The following GREB1L variants were observed in gnomAD, a reference collection of about 807,000 sequenced individuals.
The protein encoded by GREB1L is GREB1-like protein.
A neutral mutation model predicts 200.8 loss-of-function variants in GREB1L; 17 were observed. The observed-to-expected ratio is 0.08, with a 90% CI of 0.06 to 0.13. The LOEUF (loss-of-function observed/expected upper bound fraction) is 0.13, where lower values mean the gene tolerates loss of function less well. Ranked by LOEUF, GREB1L falls within the 10% of genes least tolerant of loss-of-function variation. GREB1L has a pLI of 1.00. For missense variants in GREB1L, 1,657 were observed against 2,367.7 expected, an observed-to-expected ratio of 0.70 and a Z score of 6.23; for synonymous variants, 789 against 893.0, an observed-to-expected ratio of 0.88 and a Z score of 2.08.
chr18:21,263,007 G>A (rs1469768360), intron 1 of GREB1L, among the ~76,000 whole-genome samples: 2 of 152,122 alleles, frequency 1.3e-5, no homozygotes, highest in Admixed American at 1.3e-4. Context: ...GTTGAGGTGG[G>A]GAGTATATGT....
chr18:21,471,976 T>G (rs1449306351), intron 15 of GREB1L, among the ~76,000 whole-genome samples: 2 of 152,218 alleles, frequency 1.3e-5, no homozygotes, highest in Non-Finnish European at 2.9e-5. Flanking sequence ...TTTGATTGAT[T>G]GCTTTTGGAA....
At chr18:21,412,514 G>T (rs557888141) in intron 7 of GREB1L, among the ~76,000 whole-genome samples, 1 of 152,260 alleles carries the variant, frequency 6.6e-6, no homozygotes, top group Admixed American at 6.5e-5. Flanking sequence ...TTGCAAAGAT[G>T]ATACTGAACA....
chr18:21,332,056 G>A (rs1202268781), intron 1 of GREB1L, among the ~76,000 whole-genome samples: 1 of 152,130 alleles, frequency 6.6e-6, no homozygotes. Context: ...CCAGATAACT[G>A]AAACTTCAAA....
At chr18:21,346,105 G>A (rs1429902117) in intron 1 of GREB1L, among the ~76,000 whole-genome samples, 2 of 152,048 alleles carry the variant, frequency 1.3e-5, no homozygotes, top group Non-Finnish European at 2.9e-5. Flanking sequence ...ACTGACAATA[G>A]GGGTGGAGAA....
intron 1 of GREB1L, among the ~76,000 whole-genome samples, chr18:21,303,128 A>G (rs952045327): frequency 3.9e-5 from 6 of 152,028 alleles, no homozygotes; most frequent in Non-Finnish European, 7.4e-5. Context: ...AAGTGCTGGG[A>G]GCCACCATGC....
intron 1 of GREB1L, among the ~76,000 whole-genome samples, chr18:21,346,267 A>G (rs569731598): frequency 6.6e-5 from 10 of 152,082 alleles, no homozygotes; most frequent in South Asian, 2.1e-4. Context: ...ACAGGCTATC[A>G]TGACCACTCA....
At chr18:21,340,324 G>A (rs1212151869) in intron 1 of GREB1L, among the ~76,000 whole-genome samples, 6 of 151,942 alleles carry the variant, frequency 3.9e-5, no homozygotes, top group Non-Finnish European at 7.4e-5. Flanking sequence ...GGATGCTGAG[G>A]CAGGGGAATG....
At chr18:21,299,114 C>G (rs1207865361) in intron 1 of GREB1L, among the ~76,000 whole-genome samples, 2 of 150,890 alleles carry the variant, frequency 1.3e-5, no homozygotes, top group Non-Finnish European at 3.0e-5. Context: ...CCTGTCTCTA[C>G]TAAAAATACA....
At chr18:21,359,810 T>C (rs1458884825) in intron 1 of GREB1L, among the ~76,000 whole-genome samples, 1 of 152,224 alleles carries the variant, frequency 6.6e-6, no homozygotes, top group African/African-American at 2.4e-5. Flanking sequence ...TTCTTTTTGT[T>C]ATGGTTGTTT....
intron 1 of GREB1L, among the ~76,000 whole-genome samples, chr18:21,291,462 T>A (rs1252474683): frequency 6.6e-6 from 1 of 152,164 alleles, no homozygotes; most frequent in Non-Finnish European, 1.5e-5. Context: ...CACTGTAGAG[T>A]AAGTGCCTTT....
At position 21,482,653 on chromosome 18, in the gene GREB1L, T is replaced by TC. The variant is rs1555656099; in HGVS notation, c.2557-2967_2557-2966insC. On this transcript the variant is annotated intron_variant, in intron 17 of 32. Coordinates refer to ENST00000424526, the MANE Select transcript of GREB1L (RefSeq NM_001142966.3). The stretch of plus-strand genomic sequence containing the variant: ...TGTGTAGATTACAGATTTTTTTTTT[T>TC]TTTTTTTTTTTTACAAACAATGATC... Among the ~76,000 whole-genome samples the TC allele has an allele frequency of 1.4e-4, 21 of 150,456 alleles. No homozygotes were observed. In the East Asian group the frequency reaches 4.1e-3, roughly 29 times the overall value.
At chr18:21,331,674 C>T (rs2039108693) in intron 1 of GREB1L, among the ~76,000 whole-genome samples, 1 of 152,120 alleles carries the variant, frequency 6.6e-6, no homozygotes, top group Non-Finnish European at 1.5e-5. Flanking sequence ...ACCTTAATAC[C>T]TGAGTTTGTA....
At chr18:21,246,007 C>T (rs2037594142) in intron 1 of GREB1L, among the ~76,000 whole-genome samples, 2 of 152,322 alleles carry the variant, frequency 1.3e-5, no homozygotes, top group South Asian at 4.1e-4. Context: ...CAGGCGTGAG[C>T]CACCATGCCT....
At chr18:21,321,221 G>A (rs2038946327) in intron 1 of GREB1L, among the ~76,000 whole-genome samples, 1 of 152,068 alleles carries the variant, frequency 6.6e-6, no homozygotes, top group South Asian at 2.1e-4. Flanking sequence ...CTTGAACCCG[G>A]GAGGTGGAGG....
intron 1 of GREB1L, among the ~76,000 whole-genome samples, chr18:21,299,209 C>T (rs1368210523): frequency 1.4e-5 from 2 of 147,156 alleles, no homozygotes; most frequent in Non-Finnish European, 3.0e-5. Flanking sequence ...ACCCTGGAGG[C>T]GGAGGTTGCA....
chr18:21,280,666 T>G (rs1465011020), intron 1 of GREB1L, among the ~76,000 whole-genome samples: 2 of 152,196 alleles, frequency 1.3e-5, no homozygotes, highest in Non-Finnish European at 2.9e-5. Context: ...ACACTTTTTT[T>G]CTCCCTTCAG....
At chr18:21,342,480 G>T (rs1222936244) in intron 1 of GREB1L, among the ~76,000 whole-genome samples, 1 of 151,960 alleles carries the variant, frequency 6.6e-6, no homozygotes, top group Non-Finnish European at 1.5e-5. Context: ...TGAATCTTTT[G>T]TTGCTTTAAG....
At chr18:21,447,177 T>C (rs940613306) in intron 11 of GREB1L, among the ~76,000 whole-genome samples, 2 of 152,006 alleles carry the variant, frequency 1.3e-5, no homozygotes, top group African/African-American at 2.4e-5. Flanking sequence ...CTCAGCACCT[T>C]GGGAGGCTGA....
chr18:21,272,230 C>T (rs1272575748), intron 1 of GREB1L, among the ~76,000 whole-genome samples: 5 of 152,202 alleles, frequency 3.3e-5, no homozygotes, highest in Non-Finnish European at 5.9e-5. Flanking sequence ...TCTTGTTCCA[C>T]TACTATCTTC....
Sources: gnomAD v4.1 joint callset for allele counts (sites outside exome capture counted in the v4.1 genomes callset) on GRCh38, gnomAD v4.1.1 for gene constraint, MANE v1.5 for transcripts, NCBI Gene and HGNC (gene_info 2026-07-23, HGNC 2026-07-21) for gene names.